Variants in DENND1B observed in about 807,000 individuals in gnomAD.
DENND1B encodes the protein DENN domain containing 1B, also known as DENN domain-containing protein 1B.
A neutral mutation model predicts 90.1 loss-of-function variants in DENND1B; 59 were observed. The observed-to-expected ratio is 0.65, with a 90% CI of 0.53 to 0.81. DENND1B has a LOEUF of 0.81. Among genes scored for constraint, DENND1B ranks in the 40% least tolerant of loss-of-function variants. DENND1B has a pLI of 0.00. For synonymous variants in DENND1B, 337 were observed against 324.6 expected (o/e 1.04, Z -0.41); for missense variants, 862 against 912.6 (o/e 0.94, Z 0.71).
At chr1:197,683,964 T>C (rs533773481) in intron 3 of DENND1B, among the ~76,000 whole-genome samples, 1 of 152,156 alleles carries the variant, frequency 6.6e-6, no homozygotes, top group African/African-American at 2.4e-5. Context: ...TTTGCGGCTG[T>C]TTTCAACTTC....
At chr1:197,644,041 G>A (rs967028936) in intron 9 of DENND1B, among the ~76,000 whole-genome samples, 2 of 152,118 alleles carry the variant, frequency 1.3e-5, no homozygotes, top group Admixed American at 6.6e-5. Context: ...ATCACAAATT[G>A]GTAATCATGA....
intron 2 of DENND1B, among the ~76,000 whole-genome samples, chr1:197,764,512 G>A (rs1312545377): frequency 1.3e-5 from 2 of 152,024 alleles, no homozygotes; most frequent in African/African-American, 4.8e-5. Flanking sequence ...TTAATACTCT[G>A]ACTAAATATA....
intron 2 of DENND1B, among the ~76,000 whole-genome samples, chr1:197,743,732 T>C (rs1663432687): frequency 6.6e-6 from 1 of 152,170 alleles, no homozygotes; most frequent in South Asian, 2.1e-4. Flanking sequence ...CCTGAAGTCC[T>C]AGCTGCTACG....
chr1:197,597,331 C>A (rs1675791797), intron 13 of DENND1B, among the ~76,000 whole-genome samples: 1 of 151,380 alleles, frequency 6.6e-6, no homozygotes, highest in Non-Finnish European at 1.5e-5. Flanking sequence ...ACTACCTCCA[C>A]CCCCAAAAAA....
chr1:197,688,869 G>C (rs1432795119), intron 3 of DENND1B: 1 of 213,300 alleles, frequency 4.7e-6, no homozygotes, highest in Non-Finnish European at 9.9e-6. Context: ...ATTGACCAAA[G>C]AACCATTAAA....
chr1:197,632,709 G>T (rs1054039868), intron 10 of DENND1B, among the ~76,000 whole-genome samples: 1 of 151,984 alleles, frequency 6.6e-6, no homozygotes, highest in African/African-American at 2.4e-5. Context: ...TCCTTCTCAG[G>T]TGGTTAACTA....
chr1:197,744,132 C>T (rs78753408), intron 2 of DENND1B, among the ~76,000 whole-genome samples: 1 of 152,116 alleles, frequency 6.6e-6, no homozygotes, highest in Non-Finnish European at 1.5e-5. Context: ...CATTCATGAA[C>T]GTTGGAATCG....
At chr1:197,544,884 AAGAG>A (rs2125666345) in intron 18 of DENND1B, among the ~76,000 whole-genome samples, 7 of 129,534 alleles carry the variant, frequency 5.4e-5, no homozygotes, top group Non-Finnish European at 5.2e-5. Flanking sequence ...GATGAAGAGG[AAGAG>A]GAAGAAGAAG....
intron 7 of DENND1B, among the ~76,000 whole-genome samples, chr1:197,649,810 C>A (rs1287524134): frequency 2.0e-5 from 3 of 152,052 alleles, no homozygotes; most frequent in Non-Finnish European, 2.9e-5. Flanking sequence ...TTGGCTTAGG[C>A]AAGGATCTCA....
At chr1:197,579,565 G>A (rs1674011057) in intron 15 of DENND1B, among the ~76,000 whole-genome samples, 1 of 152,146 alleles carries the variant, frequency 6.6e-6, no homozygotes, top group Non-Finnish European at 1.5e-5. Flanking sequence ...AATTTATGAA[G>A]TGTATTTTCA....
chr1:197,597,984 T>C (rs182553314), intron 13 of DENND1B, among the ~76,000 whole-genome samples: 46 of 151,954 alleles, frequency 3.0e-4, no homozygotes, highest in African/African-American at 1.1e-3. Flanking sequence ...AAATAAAATA[T>C]ATCGTTAACA....
intron 2 of DENND1B, among the ~76,000 whole-genome samples, chr1:197,750,765 A>G (rs1653387702): frequency 6.6e-6 from 1 of 152,192 alleles, no homozygotes; most frequent in African/African-American, 2.4e-5. Flanking sequence ...GAAAACCACA[A>G]TAAAGAAACA....
At chr1:197,777,206 C>T (rs1449009056), upstream of DENND1B, among the ~76,000 whole-genome samples, 1 of 152,124 alleles carries the variant, frequency 6.6e-6, no homozygotes, top group Non-Finnish European at 1.5e-5. Context: ...AGGAACCCTA[C>T]TTGGGGTGAC....
chr1:197,670,993 T>C (rs1655450619), intron 5 of DENND1B, among the ~76,000 whole-genome samples: 1 of 152,188 alleles, frequency 6.6e-6, no homozygotes, highest in South Asian at 2.1e-4. Context: ...AAGCACTTAC[T>C]TTTGAATAAA....
intron 3 of DENND1B, among the ~76,000 whole-genome samples, chr1:197,677,985 G>A (rs1295313651): frequency 6.6e-6 from 1 of 152,144 alleles, no homozygotes; most frequent in African/African-American, 2.4e-5. Flanking sequence ...AGTGAAGGAA[G>A]CCTCCCTTTC....
Position 197,772,925 on chromosome 1 carries a change from G to A in DENND1B, c.25C>T (p.Pro9Ser), listed in dbSNP as rs1390107699. 1 of 1,551,632 alleles carries A rather than the reference G, an allele frequency of 6.4e-7. No homozygotes were observed. Among genetic ancestry groups the A allele is most frequent in the South Asian group, 1.2e-5 (1 of 84,014 alleles). ...AACACCAAGTCAAAGGTTCTGTCTG[G>A]ATTTGCCCTAAAAGGAAAAAGTTTA... MDCRTKAN[P>S]DRTFDLVLKV... The change falls in exon 2 of 23, where the codon CCA (proline) becomes TCA (serine). Residue 9 changes from proline (P) to serine (S), a missense_variant. Physicochemically the swap from Pro to Ser is moderately conservative, Grantham distance 74. Coordinates refer to ENST00000620048, the MANE Select transcript of DENND1B (RefSeq NM_001195215.2).
At chr1:197,518,644 T>G (rs529500787) in intron 20 of DENND1B, among the ~76,000 whole-genome samples, 3 of 151,984 alleles carry the variant, frequency 2.0e-5, no homozygotes, top group Admixed American at 6.6e-5. Flanking sequence ...TTATGAAAAT[T>G]TACATAAGTA....
chr1:197,619,609 G>T (rs1418746843), intron 10 of DENND1B, among the ~76,000 whole-genome samples: 1 of 150,984 alleles, frequency 6.6e-6, no homozygotes, highest in East Asian at 2.0e-4. Flanking sequence ...TTAATGTGAG[G>T]TATTATATTT....
chr1:197,651,125 A>G (rs1006752704), intron 7 of DENND1B, among the ~76,000 whole-genome samples: 1 of 152,078 alleles, frequency 6.6e-6, no homozygotes, highest in Non-Finnish European at 1.5e-5. Flanking sequence ...ACTTATATAT[A>G]CTTTGAGTTA....
Sources: gnomAD v4.1 joint callset for allele counts (sites outside exome capture counted in the v4.1 genomes callset) on GRCh38, gnomAD v4.1.1 for gene constraint, MANE v1.5 for transcripts, NCBI Gene and HGNC (gene_info 2026-07-23, HGNC 2026-07-21) for gene names.